XIRP2: variants seen among roughly 807,000 people sequenced by gnomAD.
XIRP2 encodes xin actin binding repeat containing 2.
In XIRP2, 236 loss-of-function variants were observed where a neutral mutation model predicts 277.0. The ratio of observed to expected loss-of-function variants is 0.85; its 90% CI spans 0.77 to 0.95. The LOEUF (loss-of-function observed/expected upper bound fraction) is 0.95. Ranked by LOEUF, XIRP2 falls within the 40% of genes least tolerant of loss-of-function variation. The probability of loss-of-function intolerance (pLI) is 0.00; values close to 1 mark genes in which losing one functional copy is unlikely to be tolerated. For synonymous variants in XIRP2, 1,490 were observed against 1,416.5 expected (o/e 1.05, Z -1.17); for missense variants, 4,640 against 4,157.5 (o/e 1.12, Z -3.19).
At chr2:167,022,912 CAT>C (rs1688026597) in intron 2 of XIRP2, among the ~76,000 whole-genome samples, 1 of 152,120 alleles carries the variant, frequency 6.6e-6, no homozygotes, top group East Asian at 1.9e-4. Context: ...CCGCAATAAA[CAT>C]ATGTGTGCAT....
chr2:167,124,723 G>A (rs936767578), intron 2 of XIRP2, among the ~76,000 whole-genome samples: 2 of 152,106 alleles, frequency 1.3e-5, no homozygotes, highest in African/African-American at 4.8e-5. Context: ...GGGCATTTGG[G>A]GAAAGCTTCC....
chr2:167,133,820 A>G (rs1691453659), intron 2 of XIRP2, among the ~76,000 whole-genome samples: 1 of 152,192 alleles, frequency 6.6e-6, no homozygotes, highest in African/African-American at 2.4e-5. Flanking sequence ...ACCAGAATGA[A>G]CTGAGATAAG....
intron 2 of XIRP2, among the ~76,000 whole-genome samples, chr2:167,021,633 G>A (rs1020161170): frequency 1.3e-5 from 2 of 151,860 alleles, no homozygotes; most frequent in Admixed American, 1.3e-4. Context: ...AGGATGATTT[G>A]AGCCCAGGAG....
In XIRP2 at chr2:167,243,445, AC is replaced by A; in HGVS notation, c.2054del (p.Thr685MetfsTer8). On this transcript the variant is annotated frameshift_variant, in exon 9 of 11. Coordinates refer to ENST00000409195, the MANE Select transcript of XIRP2 (RefSeq NM_152381.6). LOFTEE classifies it high-confidence loss of function. Reference protein sequence around the residue: ...ESAVTISKDITGGDVKTVRYM... With the variant: ...ESAVTISKDIXGGDVKTVRYM... ...AGCGGTAACTATCAGTAAGGACATA[AC>A]TGGGGGGGATGTCAAGACTGTGAGA... 1 of 1,614,064 alleles carries A rather than the reference AC, an allele frequency of 6.2e-7. No individual in the cohort carries two copies. The highest frequency in any genetic ancestry group is 8.5e-7 in the Non-Finnish European group (1 of 1,179,956).
chr2:166,929,099 GA>G (rs886847131), intron 2 of XIRP2, among the ~76,000 whole-genome samples: 3 of 151,868 alleles, frequency 2.0e-5, no homozygotes, highest in African/African-American at 7.3e-5. Context: ...GAATTTTTTA[GA>G]AATACAAATT....
In XIRP2 at chr2:167,242,755, C is replaced by T. The variant is rs780119076; in HGVS notation, c.1363C>T (p.Pro455Ser). ...AGGAATGACAGAAGAATTTCCTCCT[C>T]CCCCACCTGACGTACTTCAAACTTC... ...SSGMTEEFPPPPPDVLQTSVD... is the reference protein window; with the variant it reads ...SSGMTEEFPPSPPDVLQTSVD... The change falls in exon 9 of 11, where the codon CCC becomes TCC. Residue 455 changes from proline to serine, a missense_variant. By Grantham distance (74) the Pro-to-Ser change is moderately conservative. Transcript: ENST00000409195. 5.6e-6 allele frequency: 9 copies of T among 1,613,920 alleles called. No homozygotes were observed. Among genetic ancestry groups the T allele is most frequent in the Non-Finnish European group, 7.6e-6 (9 of 1,179,926 alleles).
intron 3 of XIRP2, among the ~76,000 whole-genome samples, chr2:167,194,919 A>T (rs562420378): frequency 3.7e-4 from 57 of 152,280 alleles, no homozygotes; most frequent in African/African-American, 1.2e-3. Context: ...TACTACTATT[A>T]TTATTTACTA....
At position 166,910,373 on chromosome 2, in the gene XIRP2, CT is replaced by C. The variant is rs2105345029; in HGVS notation, c.408+6485del. 1.3e-5 allele frequency among the ~76,000 whole-genome samples: 2 copies of C among 152,246 alleles called. 1 individual carries two copies. The highest frequency in any genetic ancestry group is 4.1e-4 in the South Asian group (2 of 4,820). On this transcript the variant is annotated intron_variant, in intron 2 of 10. Transcript: ENST00000409195. ...TATGTGTCAAGGAATTTATCTATTT[CT>C]TCTAGATTTTCTAGTTTATTTGCAT...
At chr2:167,021,430 G>A (rs1297573512) in intron 2 of XIRP2, among the ~76,000 whole-genome samples, 3 of 152,164 alleles carry the variant, frequency 2.0e-5, no homozygotes, top group East Asian at 1.9e-4. Context: ...CACTACACGT[G>A]CAAAAACTAT....
At chr2:167,056,087 A>T (rs572779746) in intron 2 of XIRP2, among the ~76,000 whole-genome samples, 32 of 152,156 alleles carry the variant, frequency 2.1e-4, no homozygotes, top group Non-Finnish European at 4.6e-4. Context: ...TATACAATAA[A>T]AAGTAGACCA....
intron 3 of XIRP2, among the ~76,000 whole-genome samples, chr2:167,148,415 GAGAGAA>G (rs1691920554): frequency 7.1e-6 from 1 of 139,946 alleles, no homozygotes; most frequent in East Asian, 2.2e-4. Flanking sequence ...AAGAAAGAAA[GAGAGAA>G]AGAAAGAAAG....
intron 5 of XIRP2, among the ~76,000 whole-genome samples, chr2:167,224,726 T>C (rs1298606246): frequency 1.3e-5 from 2 of 152,200 alleles, no homozygotes; most frequent in African/African-American, 4.8e-5. Context: ...ATTAAAAATA[T>C]TGACCCTTAA....
rs1428655574 is a variant in XIRP2, at chr2:167,248,249, A to G, written c.6857A>G (p.Glu2286Gly). ...FNPENNVKES[E>G]CPLPPPSPPP... ...CCTGAGAATAATGTAAAAGAAAGTG[A>G]GTGCCCCCTTCCACCTCCATCTCCA... Residue 2286 changes from glutamate to glycine, a missense_variant, in exon 9 of 11, where the codon GAG (glutamate) becomes GGG (glycine). Glu to Gly is a moderately conservative substitution (Grantham distance 98, BLOSUM62 -2). Coordinates refer to ENST00000409195, the MANE Select transcript of XIRP2 (RefSeq NM_152381.6). The G allele has an allele frequency of 1.2e-6, 2 of 1,612,004 alleles. No homozygotes were observed. The highest frequency in any genetic ancestry group is 8.5e-7 in the Non-Finnish European group (1 of 1,179,166).
intron 2 of XIRP2, among the ~76,000 whole-genome samples, chr2:167,110,766 A>G (rs1304280253): frequency 6.6e-6 from 1 of 152,142 alleles, no homozygotes; most frequent in Non-Finnish European, 1.5e-5. Flanking sequence ...TTTGGGCAGT[A>G]TAGCTATTTT....
chr2:167,050,850 G>A (rs1200125512), intron 2 of XIRP2, among the ~76,000 whole-genome samples: 1 of 151,820 alleles, frequency 6.6e-6, no homozygotes, highest in African/African-American at 2.4e-5. Context: ...GCAATGGTGG[G>A]CAGAGAGGGA....
chr2:167,086,848 A>AT (rs1574241225), intron 2 of XIRP2, among the ~76,000 whole-genome samples: 1 of 150,638 alleles, frequency 6.6e-6, no homozygotes, highest in African/African-American at 2.4e-5. Context: ...ATTCTTCTAA[A>AT]TTTTTTTCAA....
intron 2 of XIRP2, among the ~76,000 whole-genome samples, chr2:166,934,225 G>A (rs1026870242): frequency 4.7e-5 from 7 of 150,110 alleles, no homozygotes; most frequent in Admixed American, 4.0e-4. Flanking sequence ...CAAAACTAGG[G>A]TCTCTCTCTC....
intron 2 of XIRP2, among the ~76,000 whole-genome samples, chr2:167,110,657 C>CT (rs113638617): frequency 6.6e-6 from 1 of 151,924 alleles, no homozygotes; most frequent in East Asian, 1.9e-4. Flanking sequence ...GCTACTTGGA[C>CT]TTTTTTTTAT....
chr2:167,112,631 G>GTA (rs1237389267), intron 2 of XIRP2, among the ~76,000 whole-genome samples: 8 of 147,842 alleles, frequency 5.4e-5, no homozygotes, highest in Non-Finnish European at 8.9e-5. Context: ...ATATTTTTAT[G>GTA]TATATATATA....
Sources: gnomAD v4.1 joint callset for allele counts (sites outside exome capture counted in the v4.1 genomes callset) on GRCh38, gnomAD v4.1.1 for gene constraint, MANE v1.5 for transcripts, NCBI Gene and HGNC (gene_info 2026-07-23, HGNC 2026-07-21) for gene names.